The following PLXNA4 variants were observed in gnomAD, a reference collection of about 807,000 sequenced individuals.
The protein encoded by PLXNA4 is plexin A4.
PLXNA4 carries 44 observed loss-of-function variants against 191.8 expected under a neutral mutation model. That is an observed-to-expected ratio of 0.23 (90% CI 0.18 to 0.29). PLXNA4 has a LOEUF of 0.29. Ranked by LOEUF, PLXNA4 falls within the 10% of genes least tolerant of loss-of-function variation. The pLI, the probability that PLXNA4 is intolerant of heterozygous loss-of-function variation, is 1.00. For synonymous variants in PLXNA4, 1,082 were observed against 1,009.5 expected, an observed-to-expected ratio of 1.07 and a Z score of -1.36; for missense variants, 1,800 against 2,488.8, an observed-to-expected ratio of 0.72 and a Z score of 5.89.
chr7:132,182,485 T>C (rs1796742618), intron 16 of PLXNA4, among the ~76,000 whole-genome samples: 1 of 152,148 alleles, frequency 6.6e-6, no homozygotes, highest in Non-Finnish European at 1.5e-5. Flanking sequence ...CTCCAAGGCC[T>C]CTTGATTTGT....
At chr7:132,279,665 C>T (rs1800405972) in intron 4 of PLXNA4, among the ~76,000 whole-genome samples, 1 of 152,046 alleles carries the variant, frequency 6.6e-6, no homozygotes, top group Non-Finnish European at 1.5e-5. Context: ...AAAATTGAGA[C>T]TTGGAAGTCA....
At chr7:132,468,262 CACAG>C (rs1213700612) in intron 3 of PLXNA4, among the ~76,000 whole-genome samples, 4 of 151,962 alleles carry the variant, frequency 2.6e-5, no homozygotes, top group Non-Finnish European at 4.4e-5. Context: ...CACATACACA[CACAG>C]ACAGATGGTA....
intron 2 of PLXNA4, among the ~76,000 whole-genome samples, chr7:132,633,679 G>T (rs2116881922): frequency 6.6e-6 from 1 of 152,258 alleles, no homozygotes; most frequent in East Asian, 1.9e-4. Context: ...ATCTGGTCCT[G>T]ACCATTTTAT....
intron 3 of PLXNA4, among the ~76,000 whole-genome samples, chr7:132,364,863 A>G (rs147552691): frequency 7.3e-4 from 111 of 152,312 alleles, no homozygotes; most frequent in African/African-American, 2.6e-3. Flanking sequence ...ACATCGCTTA[A>G]TCCTCATATT....
At chr7:132,559,949 G>A (rs1307795019) in intron 1 of PLXNA4, among the ~76,000 whole-genome samples, 1 of 152,178 alleles carries the variant, frequency 6.6e-6, no homozygotes, top group Non-Finnish European at 1.5e-5. Flanking sequence ...AGAACCTGGA[G>A]AGGGGCTGCC....
intron 2 of PLXNA4, among the ~76,000 whole-genome samples, chr7:132,495,303 T>C (rs1021741650): frequency 7.2e-5 from 11 of 152,210 alleles, no homozygotes; most frequent in African/African-American, 2.7e-4. Context: ...CCAAATGCAG[T>C]GCTAATGAGG....
At chr7:132,297,959 A>T (rs1801163915) in intron 4 of PLXNA4, 132 bp downstream of exon 4, 1 of 1,171,368 alleles carries the variant, frequency 8.5e-7, no homozygotes, top group African/African-American at 1.5e-5. Context: ...TGAAAAGTAT[A>T]ACTGAAAAGA....
chr7:132,301,072 C>T (rs2116518312), intron 3 of PLXNA4, among the ~76,000 whole-genome samples: 1 of 152,298 alleles, frequency 6.6e-6, no homozygotes, highest in Non-Finnish European at 1.5e-5. Context: ...TGGCCTTCTG[C>T]AAGGAGGCTG....
chr7:132,506,882 C>A (rs998547088), intron 2 of PLXNA4, among the ~76,000 whole-genome samples: 1 of 152,238 alleles, frequency 6.6e-6, no homozygotes, highest in African/African-American at 2.4e-5. Context: ...TCAATAAACA[C>A]AATTTGTCCC....
chr7:132,380,212 G>C (rs1324258175), intron 3 of PLXNA4, among the ~76,000 whole-genome samples: 1 of 152,280 alleles, frequency 6.6e-6, no homozygotes, highest in South Asian at 2.1e-4. Context: ...CCTCCCAACA[G>C]TTGTTATCCA....
chr7:132,497,411 G>A (rs553114735), intron 2 of PLXNA4, among the ~76,000 whole-genome samples: 33 of 152,152 alleles, frequency 2.2e-4, no homozygotes, highest in Non-Finnish European at 3.7e-4. Flanking sequence ...AGATGACATC[G>A]TGTTTACTCC....
intron 3 of PLXNA4, among the ~76,000 whole-genome samples, chr7:132,317,033 G>A (rs62465033): frequency 0.09 from 13,768 of 152,194 alleles, 977 homozygotes; most frequent in Admixed American, 0.23. Context: ...TGTGTGTTGT[G>A]TTGTGTTAGA....
chr7:132,612,565 G>A (rs1295944401), intron 2 of PLXNA4, among the ~76,000 whole-genome samples: 1 of 151,226 alleles, frequency 6.6e-6, no homozygotes, highest in African/African-American at 2.4e-5. Flanking sequence ...TTGGGAAGCT[G>A]AGGCAGGAGA....
intron 1 of PLXNA4, among the ~76,000 whole-genome samples, chr7:132,554,889 A>G (rs1485138220): frequency 3.3e-5 from 5 of 152,130 alleles, no homozygotes; most frequent in Admixed American, 2.6e-4. Flanking sequence ...TTGCAGGCAA[A>G]CATTAGCAGA....
chr7:132,554,885 G>A (rs779045929), intron 1 of PLXNA4, among the ~76,000 whole-genome samples: 12 of 152,044 alleles, frequency 7.9e-5, no homozygotes, highest in Non-Finnish European at 1.8e-4. Context: ...TTCGTTGCAG[G>A]CAAACATTAG....
intron 9 of PLXNA4, among the ~76,000 whole-genome samples, chr7:132,216,331 C>T (rs1182401699): frequency 6.6e-6 from 1 of 152,142 alleles, no homozygotes; most frequent in East Asian, 1.9e-4. Context: ...GCTCAGTTTT[C>T]CCACCTCTAA....
intron 15 of PLXNA4, 43 bp downstream of exon 15, chr7:132,187,428 C>A: frequency 1.9e-6 from 3 of 1,594,046 alleles, no homozygotes; most frequent in Non-Finnish European, 2.6e-6. Flanking sequence ...ACCTGTCTAA[C>A]CTTTCCCTCT....
intron 4 of PLXNA4, among the ~76,000 whole-genome samples, chr7:132,273,275 CTCTT>C (rs1563005122): frequency 1.3e-5 from 2 of 152,042 alleles, no homozygotes; most frequent in Non-Finnish European, 2.9e-5. Flanking sequence ...ACACTGGAAA[CTCTT>C]TGTTTGGAAC....
chr7:132,328,378 T>G (rs949052774), intron 3 of PLXNA4, among the ~76,000 whole-genome samples: 4 of 152,146 alleles, frequency 2.6e-5, no homozygotes, highest in Admixed American at 2.6e-4. Flanking sequence ...CCACCATGTC[T>G]CTGCTGTGAC....
Sources: allele counts gnomAD v4.1 joint callset (sites outside exome capture counted in the v4.1 genomes callset), GRCh38; gene constraint gnomAD v4.1.1; transcripts MANE v1.5; gene names NCBI Gene and HGNC (gene_info 2026-07-23, HGNC 2026-07-21).